Variants in NRG3 observed in about 807,000 individuals in gnomAD.
NRG3 encodes the protein pro-neuregulin-3, membrane-bound isoform.
Under a neutral mutation model 66.9 loss-of-function variants are expected in NRG3, and 31 were observed. That is an observed-to-expected ratio of 0.46 (90% CI 0.35 to 0.63). The LOEUF is 0.63. Ranked by LOEUF, NRG3 falls within the 20% of genes least tolerant of loss-of-function variation. NRG3 has a pLI of 0.00. For missense variants in NRG3, 910 were observed against 878.9 expected (o/e 1.04, Z -0.45); for synonymous variants, 393 against 359.4 (o/e 1.09, Z -1.06).
At chr10:81,935,678 C>T (rs1335696101) in intron 1 of NRG3, among the ~76,000 whole-genome samples, 2 of 152,130 alleles carry the variant, frequency 1.3e-5, no homozygotes, top group Non-Finnish European at 2.9e-5. Context: ...CTTTCTGTTT[C>T]TGTTGCATGG....
intron 2 of NRG3, among the ~76,000 whole-genome samples, chr10:82,582,138 T>A (rs532237735): frequency 1.3e-5 from 2 of 152,174 alleles, no homozygotes; most frequent in East Asian, 3.9e-4. Context: ...TTTATACTCG[T>A]CAGCAAAAAA....
intron 2 of NRG3, among the ~76,000 whole-genome samples, chr10:82,391,595 G>A (rs1043614605): frequency 3.9e-5 from 6 of 152,022 alleles, no homozygotes; most frequent in African/African-American, 1.4e-4. Flanking sequence ...GAATCCCTTT[G>A]TCTTTCCCCT....
At chr10:82,340,242 G>T (rs2082615143) in intron 1 of NRG3, among the ~76,000 whole-genome samples, 1 of 152,154 alleles carries the variant, frequency 6.6e-6, no homozygotes, top group South Asian at 2.1e-4. Context: ...GCTGCATTAA[G>T]ATATGTCTAG....
intron 1 of NRG3, among the ~76,000 whole-genome samples, chr10:82,073,429 C>A (rs1032824198): frequency 2.0e-5 from 3 of 152,090 alleles, no homozygotes; most frequent in Non-Finnish European, 4.4e-5. Flanking sequence ...GATGTTCTTG[C>A]TGATTTCTTC....
At chr10:82,457,150 T>C (rs1264006916) in intron 2 of NRG3, among the ~76,000 whole-genome samples, 3 of 152,172 alleles carry the variant, frequency 2.0e-5, no homozygotes, top group Admixed American at 6.5e-5. Flanking sequence ...TTCATTTGCC[T>C]TATTCCTCTA....
intron 1 of NRG3, among the ~76,000 whole-genome samples, chr10:81,954,846 C>G (rs1849676623): frequency 6.6e-6 from 1 of 152,106 alleles, no homozygotes; most frequent in African/African-American, 2.4e-5. Flanking sequence ...ACACCAGCCA[C>G]TGCTGCACTG....
At position 82,421,503 on chromosome 10, in the gene NRG3, A is replaced by G. The variant is rs544029416; in HGVS notation, c.953+62635A>G. ...ATTAAAGACTTTGCACTCAGTTACCAAAAAAAAAGTCTATTATGTAAGAGA... is the reference window on the plus strand; with the variant it reads ...ATTAAAGACTTTGCACTCAGTTACCGAAAAAAAAGTCTATTATGTAAGAGA... On this transcript the variant is annotated intron_variant, in intron 2 of 8. Coordinates refer to ENST00000372141, the MANE Select transcript of NRG3 (RefSeq NM_001010848.4). Among the ~76,000 whole-genome samples, 19 of 151,446 alleles carry G rather than the reference A, an allele frequency of 1.3e-4. No homozygotes were observed. In the South Asian group the frequency reaches 3.8e-3, roughly 30 times the overall value.
At chr10:82,616,022 C>T (rs939996762) in intron 2 of NRG3, among the ~76,000 whole-genome samples, 9 of 152,136 alleles carry the variant, frequency 5.9e-5, no homozygotes, top group South Asian at 4.1e-4. Flanking sequence ...GCCACACATA[C>T]GCTACACACA....
intron 1 of NRG3, among the ~76,000 whole-genome samples, chr10:82,022,451 AG>A (rs2062105537): frequency 6.6e-6 from 1 of 152,096 alleles, no homozygotes; most frequent in Non-Finnish European, 1.5e-5. Flanking sequence ...TCATCCAAAA[AG>A]TCTGCATTAT....
At chr10:82,365,026 T>C (rs1278354506) in intron 2 of NRG3, among the ~76,000 whole-genome samples, 3 of 152,192 alleles carry the variant, frequency 2.0e-5, no homozygotes, top group Admixed American at 6.5e-5. Context: ...AAGCTTCCAT[T>C]TTTAAGAGAA....
At chr10:82,866,803 G>T (rs1025943266) in intron 4 of NRG3, among the ~76,000 whole-genome samples, 1 of 152,126 alleles carries the variant, frequency 6.6e-6, no homozygotes. Flanking sequence ...GAAGATGGAG[G>T]AGTTATAGGA....
intron 2 of NRG3, among the ~76,000 whole-genome samples, chr10:82,650,449 ATGT>A (rs1287068572): frequency 1.3e-5 from 2 of 152,156 alleles, no homozygotes; most frequent in African/African-American, 4.8e-5. Context: ...AAAACACCTA[ATGT>A]TGTTTGACCT....
At chr10:82,109,468 A>T (rs540011413) in intron 1 of NRG3, among the ~76,000 whole-genome samples, 1 of 152,148 alleles carries the variant, frequency 6.6e-6, no homozygotes, top group East Asian at 1.9e-4. Flanking sequence ...CCAATTTTAT[A>T]GTTAAAGATT....
chr10:82,746,236 C>T (rs370601655), intron 3 of NRG3, among the ~76,000 whole-genome samples: 5 of 152,064 alleles, frequency 3.3e-5, no homozygotes, highest in African/African-American at 1.2e-4. Context: ...CCTCACAGGG[C>T]CAGAGGGAAG....
Position 82,284,907 on chromosome 10 carries a change from C to T in NRG3, c.824-73832C>T, listed in dbSNP as rs574016600. ...GTATGCATTTTTCTTTCCTAATTGG[C>T]GCTTGCTAGTAGACAGAAAAACATT... On this transcript the variant is annotated intron_variant, in intron 1 of 8. Transcript: ENST00000372141. Among the ~76,000 whole-genome samples, 13 of 152,150 alleles carry T rather than the reference C, an allele frequency of 8.5e-5. No individual in the cohort carries two copies. In the East Asian group the frequency reaches 1.9e-3, roughly 23 times the overall value.
intron 2 of NRG3, among the ~76,000 whole-genome samples, chr10:82,377,703 T>G (rs1166129150): frequency 6.6e-6 from 1 of 152,142 alleles, no homozygotes; most frequent in African/African-American, 2.4e-5. Flanking sequence ...GGCTTAAATC[T>G]AAACCTAGAG....
chr10:82,740,714 C>G (rs888142913), intron 3 of NRG3, among the ~76,000 whole-genome samples: 3 of 148,244 alleles, frequency 2.0e-5, no homozygotes, highest in African/African-American at 7.6e-5. Context: ...GTCTCAGCTA[C>G]CTCTGGAGGC....
At chr10:82,665,476 A>T (rs1377377336) in intron 2 of NRG3, among the ~76,000 whole-genome samples, 1 of 152,100 alleles carries the variant, frequency 6.6e-6, no homozygotes, top group African/African-American at 2.4e-5. Flanking sequence ...TCATGATCAC[A>T]CTTTGGATCT....
intron 2 of NRG3, among the ~76,000 whole-genome samples, chr10:82,390,871 G>T (rs1312864757): frequency 6.6e-6 from 1 of 152,206 alleles, no homozygotes; most frequent in East Asian, 1.9e-4. Context: ...AGACACACTT[G>T]TGCAATATGG....
Sources: gnomAD v4.1 joint callset for allele counts (sites outside exome capture counted in the v4.1 genomes callset) on GRCh38, gnomAD v4.1.1 for gene constraint, MANE v1.5 for transcripts, NCBI Gene and HGNC (gene_info 2026-07-23, HGNC 2026-07-21) for gene names.